Variants in GAPVD1 observed in about 807,000 individuals in gnomAD.
The protein encoded by GAPVD1 is GTPase activating protein and VPS9 domains 1.
In GAPVD1, 35 loss-of-function variants were observed where a neutral mutation model predicts 155.5. That is an observed-to-expected ratio of 0.23 (90% confidence interval 0.17 to 0.30). GAPVD1 has a LOEUF of 0.30. Among genes scored for constraint, GAPVD1 ranks in the 10% least tolerant of loss-of-function variants. The pLI is 1.00. For synonymous variants in GAPVD1, 636 were observed against 619.7 expected (o/e 1.03, Z -0.39); for missense variants, 1,429 against 1,775.7 (o/e 0.80, Z 3.51).
chr9:125,287,052 C>T (rs918862600), intron 2 of GAPVD1, among the ~76,000 whole-genome samples: 3 of 151,802 alleles, frequency 2.0e-5, no homozygotes, highest in East Asian at 1.9e-4. Context: ...CCATTGCACT[C>T]CAGTCTGGGC....
chr9:125,271,561 T>C (rs1470881777), intron 2 of GAPVD1, among the ~76,000 whole-genome samples: 6 of 152,202 alleles, frequency 3.9e-5, no homozygotes, highest in African/African-American at 7.2e-5. Flanking sequence ...TTTTATTTTT[T>C]ATTTTTTGAG....
Position 125,312,531 on chromosome 9 carries a change from G to C in GAPVD1, c.1521G>C (p.Gln507His), listed in dbSNP as rs776750598. 6.2e-7 allele frequency: 1 copy of C among 1,610,540 alleles called. No individual in the cohort carries two copies. The highest frequency in any genetic ancestry group is 1.3e-5 in the African/African-American group (1 of 74,900). Residue 507 changes from glutamine to histidine, a missense_variant, in exon 9 of 28, where the codon CAG becomes CAC. Around this residue, in one of 4 missense-constraint regions of GAPVD1, gnomAD observed 628 missense variants for 733.4 expected, o/e 0.86. Transcript: ENST00000297933. ...DHEGSSQETI[Q>H]EVQPEEVLVI... ...AAGGATCATCTCAAGAAACCATTCA[G>C]GAGGTGCAACCAGAAGAGGTGTTGG... is the stretch of plus-strand genomic sequence containing the variant.
intron 9 of GAPVD1, among the ~76,000 whole-genome samples, chr9:125,313,477 G>T (rs983570127): frequency 6.6e-6 from 1 of 151,694 alleles, no homozygotes; most frequent in Non-Finnish European, 1.5e-5. Context: ...CTAATTTTTT[G>T]TATTTTCAGT....
intron 22 of GAPVD1, 54 bp from the exon 23 acceptor site, chr9:125,350,659 T>TTTA (rs1280460472): frequency 2.2e-5 from 25 of 1,127,610 alleles, no homozygotes; most frequent in Non-Finnish European, 3.0e-5. Flanking sequence ...AATTAGCTTA[T>TTTA]TTAAGCACAT....
chr9:125,294,265 T>C (rs576689919), intron 2 of GAPVD1, among the ~76,000 whole-genome samples: 90 of 151,874 alleles, frequency 5.9e-4, no homozygotes, highest in South Asian at 1.9e-3. Context: ...GGTCTCGAAC[T>C]CCTGATCTCA....
At chr9:125,281,581 G>C (rs115222513) in intron 2 of GAPVD1, among the ~76,000 whole-genome samples, 3,032 of 152,186 alleles carry the variant, frequency 0.02, 117 homozygotes, top group East Asian at 0.088. Context: ...AATTATGACA[G>C]TTTGTTACAA....
At position 125,298,931 on chromosome 9, in the gene GAPVD1, C is replaced by G; in HGVS notation, c.10C>G (p.Leu4Val). 1.3e-6 allele frequency: 2 copies of G among 1,598,304 alleles called. No homozygotes were observed. The highest frequency in any genetic ancestry group is 1.7e-6 in the Non-Finnish European group (2 of 1,172,852). ...CTTTCCCACATTGAAGATGGTGAAACTAGATATTCATACTCTGGCTCATCA... is the reference window on the plus strand; with the variant it reads ...CTTTCCCACATTGAAGATGGTGAAAGTAGATATTCATACTCTGGCTCATCA... MVKLDIHTLAHHLK... is the reference protein window; with the variant it reads MVKVDIHTLAHHLK... Residue 4 changes from leucine to valine, a missense_variant, in exon 4 of 28, where the codon CTA (leucine) becomes GTA (valine). Coordinates refer to ENST00000297933, the MANE Select transcript of GAPVD1 (RefSeq NM_001282680.3).
At chr9:125,318,621 A>G (rs1805957264) in intron 9 of GAPVD1, among the ~76,000 whole-genome samples, 1 of 152,210 alleles carries the variant, frequency 6.6e-6, no homozygotes, top group Non-Finnish European at 1.5e-5. Flanking sequence ...TATCTAATTT[A>G]AAATATTTAT....
chr9:125,321,523 T>G lies in GAPVD1; in HGVS notation c.1693T>G (p.Phe565Val), dbSNP rs147220764. 1.8e-5 allele frequency: 29 copies of G among 1,613,488 alleles called. No homozygotes were observed. Among genetic ancestry groups the G allele is most frequent in the African/African-American group, 1.5e-4 (11 of 74,916 alleles). Residue 565 changes from phenylalanine to valine, a missense_variant, in exon 10 of 28, where the codon TTT becomes GTT. Coordinates refer to ENST00000297933, the MANE Select transcript of GAPVD1 (RefSeq NM_001282680.3). ...TGGTAAACCTGATAAAACCTTGCGC[T>G]TTTCCCTCTGCAGTGATAATCTGGA... ...LHGKPDKTLR[F>V]SLCSDNLEGI...
At chr9:125,293,800 A>T (rs1266305075) in intron 2 of GAPVD1, among the ~76,000 whole-genome samples, 5 of 127,382 alleles carry the variant, frequency 3.9e-5, no homozygotes, top group African/African-American at 8.7e-5. Flanking sequence ...ATATATAAAA[A>T]TTTTTATATT....
chr9:125,288,221 C>G (rs1255258139), intron 2 of GAPVD1, among the ~76,000 whole-genome samples: 1 of 151,592 alleles, frequency 6.6e-6, no homozygotes, highest in Non-Finnish European at 1.5e-5. Flanking sequence ...AAGCGATTCT[C>G]CTGCCTCAGC....
At chr9:125,324,484 G>A (rs1034263423) in intron 11 of GAPVD1, among the ~76,000 whole-genome samples, 1 of 152,190 alleles carries the variant, frequency 6.6e-6, no homozygotes, top group Non-Finnish European at 1.5e-5. Context: ...AGCTACTCGG[G>A]AGGCTGAGGC....
chr9:125,346,510 A>G (rs1371314626), intron 19 of GAPVD1: 2 of 402,770 alleles, frequency 5.0e-6, no homozygotes, highest in Non-Finnish European at 9.3e-6. Context: ...AATTGCTGAT[A>G]ACAGTGATTT....
At chr9:125,329,015 C>G (rs566466372) in intron 12 of GAPVD1, among the ~76,000 whole-genome samples, 271 of 151,144 alleles carry the variant, frequency 1.8e-3, no homozygotes, top group Non-Finnish European at 3.3e-3. Flanking sequence ...CGCAGGCACT[C>G]GGCAGGCTGA....
chr9:125,285,803 CTTATT>C (rs1433490885), intron 2 of GAPVD1, among the ~76,000 whole-genome samples: 4 of 151,658 alleles, frequency 2.6e-5, no homozygotes, highest in Non-Finnish European at 4.4e-5. Flanking sequence ...TGCTGTTGAA[CTTATT>C]TTATTTTATT....
chr9:125,323,743 G>A, intron 10 of GAPVD1, 55 bp from the exon 11 acceptor site: 1 of 1,584,068 alleles, frequency 6.3e-7, no homozygotes, highest in African/African-American at 1.3e-5. Flanking sequence ...GAAAAATTGT[G>A]TGGTGGCTCA....
chr9:125,359,726 C>T, intron 26 of GAPVD1: 1 of 483,176 alleles, frequency 2.1e-6, no homozygotes, highest in Non-Finnish European at 3.7e-6. Context: ...GATGCCACTT[C>T]TCAAGTCAGC....
intron 3 of GAPVD1, among the ~76,000 whole-genome samples, chr9:125,295,827 T>G (rs914353716): frequency 2.0e-5 from 3 of 152,152 alleles, no homozygotes; most frequent in Non-Finnish European, 4.4e-5. Context: ...TTGAAAACAT[T>G]TTATGTTCTC....
At chr9:125,280,676 C>T (rs956111981) in intron 2 of GAPVD1, among the ~76,000 whole-genome samples, 2 of 150,948 alleles carry the variant, frequency 1.3e-5, no homozygotes, top group African/African-American at 4.9e-5. Flanking sequence ...CCTGGGTTCA[C>T]GCCATTCTCC....
Sources: allele counts gnomAD v4.1 joint callset (sites outside exome capture counted in the v4.1 genomes callset), GRCh38; gene constraint gnomAD v4.1.1; regional missense constraint gnomAD v4.1.1; transcripts MANE v1.5; gene names NCBI Gene and HGNC (gene_info 2026-07-23, HGNC 2026-07-21).